Variants in DDX3X observed in about 807,000 individuals in gnomAD.
The protein encoded by DDX3X is ATP-dependent RNA helicase DDX3X.
In DDX3X, 4 loss-of-function variants were observed where a neutral mutation model predicts 52.7. That is an observed-to-expected ratio of 0.08 (90% CI 0.04 to 0.17). DDX3X has a LOEUF of 0.17. Among genes scored for constraint, DDX3X ranks in the 10% least tolerant of loss-of-function variants. DDX3X has a pLI of 1.00. For synonymous variants in DDX3X, 192 were observed against 178.1 expected (o/e 1.08, Z -0.62); for missense variants, 222 against 548.6 (o/e 0.40, Z 5.95).
At chrX:41,357,587 A>C (rs2064014238) in intron 5 of DDX3X, among the ~76,000 whole-genome samples, 1 of 110,331 alleles carries the variant, frequency 9.1e-6, no homozygotes, top group Admixed American at 9.7e-5. Context: ...ACACCACCAC[A>C]CCTGGCTAAT....
rs2063971576 is a variant in DDX3X, at chrX:41,350,098, C to T, written c.*2379C>T. Reference sequence around the variant, plus strand: ...AAACTTGCTGAATGTAAAGATTGAACCTCAAGTCACTGTAGCTTTAGTAAT... The same window carrying T: ...AAACTTGCTGAATGTAAAGATTGAATCTCAAGTCACTGTAGCTTTAGTAAT... On this transcript the variant is annotated 3_prime_UTR_variant, in exon 17 of 17. Coordinates refer to ENST00000644876, the MANE Select transcript of DDX3X (RefSeq NM_001356.5). The T allele has an allele frequency of 8.9e-6, 1 of 111,893 alleles. No individual in the cohort carries two copies. Among genetic ancestry groups the T allele is most frequent in the African/African-American group, 3.3e-5 (1 of 30,738 alleles). The allele number at this position is 111,893 out of a possible 1,213,427, so 9.2% of individuals were successfully genotyped here.
At chrX:41,343,106 T>TA in intron 6 of DDX3X, 110 bp from the exon 7 acceptor site, 1 of 926,925 alleles carries the variant, frequency 1.1e-6, no homozygotes, top group Non-Finnish European at 1.5e-6. Flanking sequence ...TAATTTTACT[T>TA]AAACTATAAA....
At chrX:41,352,302 A>C (rs750986184), downstream of DDX3X, among the ~76,000 whole-genome samples, 19 of 111,784 alleles carry the variant, frequency 1.7e-4, no homozygotes, top group African/African-American at 5.8e-4. Flanking sequence ...AGCAGATACA[A>C]TCATGGTTTA....
At position 41,344,014 on chromosome X, in the gene DDX3X, T is replaced by C; in HGVS notation, c.766-16T>C. 1 of 1,180,993 alleles carries C rather than the reference T, an allele frequency of 8.5e-7. No homozygotes were observed. Among genetic ancestry groups the C allele is most frequent in the Middle Eastern group, 2.4e-4 (1 of 4,222 alleles). On this transcript the variant is annotated splice_polypyrimidine_tract_variant and intron_variant, in intron 8 of 16. Transcript: ENST00000644876. The stretch of plus-strand genomic sequence containing the variant: ...AGGGTAGGTAGAGTTAACTTAAAAA[T>C]TAACTTATTTCTTAGGAAAATGGAA...
intron 15 of DDX3X, 84 bp from the exon 16 acceptor site, chrX:41,347,228 T>C (rs2063937665): frequency 1.9e-6 from 2 of 1,067,587 alleles, no homozygotes; most frequent in Admixed American, 2.7e-5. Context: ...AATGGAAAAA[T>C]TAGAAATTGG....
chrX:41,334,865 C>G (rs1386875807), intron 1 of DDX3X: 6 of 611,425 alleles, frequency 9.8e-6, no homozygotes, highest in Non-Finnish European at 1.3e-5. Flanking sequence ...CTGTGGCTCA[C>G]CTCCGGGAGA....
downstream of DDX3X, among the ~76,000 whole-genome samples, chrX:41,353,901 G>A (rs1246913196): frequency 9.0e-6 from 1 of 110,882 alleles, no homozygotes; most frequent in Admixed American, 9.7e-5. Flanking sequence ...AAAAAAGTAG[G>A]TTACATCTCA....
chrX:41,334,627 G>T, intron 1 of DDX3X: 6 of 1,084,682 alleles, frequency 5.5e-6, no homozygotes, highest in Non-Finnish European at 7.2e-6. Context: ...GACCTGGGGG[G>T]GTTTGCGGGA....
At chrX:41,358,503 A>G (rs1321543561) in intron 5 of DDX3X, among the ~76,000 whole-genome samples, 2 of 112,014 alleles carry the variant, frequency 1.8e-5, no homozygotes, top group African/African-American at 6.5e-5. Context: ...TCATTTTGAG[A>G]GTACTTTGGA....
intron 1 of DDX3X, chrX:41,334,679 TG>T: frequency 9.7e-7 from 1 of 1,026,564 alleles, no homozygotes; most frequent in Non-Finnish European, 1.3e-6. Flanking sequence ...CCTTTTGGCT[TG>T]GAGGGCTTCG....
At chrX:41,361,635 G>A (rs974210631) in intron 5 of DDX3X, among the ~76,000 whole-genome samples, 19 of 111,333 alleles carry the variant, frequency 1.7e-4, no homozygotes, top group Non-Finnish European at 2.3e-4. Flanking sequence ...TTCCATGTGC[G>A]CACACTTCTT....
chrX:41,346,454 AG>A (rs1206854477), intron 13 of DDX3X, 44 bp downstream of exon 13: 1 of 1,194,521 alleles, frequency 8.4e-7, no homozygotes, highest in African/African-American at 1.8e-5. Context: ...AGCATGTTCA[AG>A]TATTTGTTTT....
downstream of DDX3X, chrX:41,350,487 A>G (rs1423821884): frequency 8.9e-6 from 1 of 112,093 alleles, no homozygotes; most frequent in Admixed American, 9.5e-5. Context: ...ACTTTGAACA[A>G]TTTGACATGG....
At chrX:41,350,946 T>C (rs1030674902), downstream of DDX3X, 2 of 112,038 alleles carry the variant, frequency 1.8e-5, no homozygotes, top group African/African-American at 6.5e-5. Flanking sequence ...TAAGAATTTT[T>C]TGCATTGTAA....
rs1360249827 is a variant in DDX3X, at chrX:41,346,417, AT to A, written c.1497+8del. The A allele has an allele frequency of 2.5e-6, 3 of 1,204,094 alleles. No homozygotes were observed. The African/African-American group carries it at 5.3e-5, about 21-fold the overall frequency. ...AATTTTAGTGGCTACAGCAGTATGT[AT>A]AAACATCTTTCTTTTATTCAAATTG... On this transcript the variant is annotated splice_region_variant and intron_variant, in intron 13 of 16. Transcript: ENST00000644876.
chrX:41,358,226 C>T (rs1057284086), intron 5 of DDX3X, among the ~76,000 whole-genome samples: 3 of 108,507 alleles, frequency 2.8e-5, no homozygotes, highest in Non-Finnish European at 3.8e-5. Context: ...TACAGGCATG[C>T]GCCACTATGC....
At chrX:41,362,337 C>T (rs771576046) in intron 5 of DDX3X, among the ~76,000 whole-genome samples, 1 of 110,884 alleles carries the variant, frequency 9.0e-6, no homozygotes, top group Non-Finnish European at 1.9e-5. Flanking sequence ...AATCTGCCCG[C>T]CTTGGCCCCT....
At chrX:41,363,174 C>A (rs889979764) in intron 5 of DDX3X, among the ~76,000 whole-genome samples, 28 of 111,938 alleles carry the variant, frequency 2.5e-4, no homozygotes, top group African/African-American at 8.1e-4. Context: ...ACCTGTAATC[C>A]CAGCACTTTG....
intron 15 of DDX3X, 130 bp from the exon 16 acceptor site, chrX:41,347,182 T>C (rs1227940919): frequency 1.1e-6 from 1 of 946,943 alleles, no homozygotes; most frequent in East Asian, 3.1e-5. Flanking sequence ...GGTGACACTC[T>C]GTTGGGGAAA....
Sources: allele counts gnomAD v4.1 joint callset (sites outside exome capture counted in the v4.1 genomes callset), GRCh38; gene constraint gnomAD v4.1.1; transcripts MANE v1.5; gene names NCBI Gene and HGNC (gene_info 2026-07-23, HGNC 2026-07-21).